Variants in DAB1 observed in about 807,000 individuals in gnomAD.
DAB1 encodes the protein DAB adaptor protein 1, also known as disabled homolog 1.
DAB1 carries 15 observed loss-of-function variants against 64.6 expected under a neutral mutation model. The ratio of observed to expected loss-of-function variants is 0.23; its 90% CI spans 0.16 to 0.36. The LOEUF (loss-of-function observed/expected upper bound fraction) is 0.36. Ranked by LOEUF, DAB1 falls within the 10% of genes least tolerant of loss-of-function variation. The probability of loss-of-function intolerance (pLI) is 1.00; values close to 1 mark genes in which losing one functional copy is unlikely to be tolerated. For synonymous variants in DAB1, 235 were observed against 251.9 expected, an observed-to-expected ratio of 0.93 and a Z score of 0.64; for missense variants, 596 against 706.7, an observed-to-expected ratio of 0.84 and a Z score of 1.78.
intron 7 of DAB1, among the ~76,000 whole-genome samples, chr1:57,526,189 G>A (rs1049041846): frequency 1.3e-5 from 2 of 152,074 alleles, no homozygotes; most frequent in African/African-American, 4.8e-5. Context: ...ACCCACCTTG[G>A]CCTCCCACAG....
At chr1:57,385,730 T>C (rs901152023) in intron 1 of DAB1, among the ~76,000 whole-genome samples, 1 of 152,176 alleles carries the variant, frequency 6.6e-6, no homozygotes, top group African/African-American at 2.4e-5. Flanking sequence ...AAAAACTTAC[T>C]GTGTTAGAAC....
At chr1:58,057,473 C>T (rs565673794) in intron 5 of DAB1, among the ~76,000 whole-genome samples, 1 of 152,108 alleles carries the variant, frequency 6.6e-6, no homozygotes, top group African/African-American at 2.4e-5. Flanking sequence ...AAATTAGAAA[C>T]CACCCTAATC....
chr1:57,172,371 A>G (rs1457686248), intron 2 of DAB1, among the ~76,000 whole-genome samples: 1 of 152,214 alleles, frequency 6.6e-6, no homozygotes, highest in Non-Finnish European at 1.5e-5. Context: ...AAACAATTCC[A>G]TAAGAAAGAA....
intron 3 of DAB1, among the ~76,000 whole-genome samples, chr1:58,355,541 A>G (rs1227113886): frequency 1.3e-5 from 2 of 152,162 alleles, no homozygotes; most frequent in Admixed American, 6.5e-5. Context: ...ACGAATAAAA[A>G]TGTCCAGATT....
intron 3 of DAB1, among the ~76,000 whole-genome samples, chr1:57,138,494 T>C (rs960212931): frequency 6.6e-6 from 1 of 152,160 alleles, no homozygotes; most frequent in Non-Finnish European, 1.5e-5. Flanking sequence ...AGCTGCTCCA[T>C]ATTGATATAA....
chr1:57,364,868 T>G (rs1646772), intron 1 of DAB1, among the ~76,000 whole-genome samples: 33,317 of 147,966 alleles, frequency 0.23, 4,257 homozygotes, highest in African/African-American at 0.34. Context: ...TATATATATA[T>G]ATAGAGAGAG....
chr1:57,270,960 C>G (rs747904079), intron 2 of DAB1, among the ~76,000 whole-genome samples: 5 of 152,148 alleles, frequency 3.3e-5, no homozygotes, highest in Admixed American at 6.6e-5. Flanking sequence ...AGTGTGGGTA[C>G]AGTATAAGTC....
intron 5 of DAB1, among the ~76,000 whole-genome samples, chr1:58,109,505 T>C (rs1038849085): frequency 6.6e-6 from 1 of 152,140 alleles, no homozygotes; most frequent in East Asian, 1.9e-4. Flanking sequence ...GGAGAACTAA[T>C]GGATCAACTC....
intron 1 of DAB1, among the ~76,000 whole-genome samples, chr1:57,836,297 A>C (rs1480977345): frequency 1.3e-5 from 2 of 152,240 alleles, no homozygotes; most frequent in Non-Finnish European, 2.9e-5. Flanking sequence ...AAAGGTTTTG[A>C]CTGTTGGTCT....
chr1:57,525,907 G>C (rs924210679), intron 7 of DAB1, among the ~76,000 whole-genome samples: 1 of 151,758 alleles, frequency 6.6e-6, no homozygotes, highest in Admixed American at 6.6e-5. Flanking sequence ...CCATGAAAAT[G>C]CGAATATATT....
rs536735126 is a variant in DAB1, at chr1:58,349,947, A to AT, written n.258-6545dup. ...GTGCATATGTCTTTATAGTAGAATG[A>AT]TTTATAATCCTCTGGGTATATACCC... is the stretch of plus-strand genomic sequence containing the variant. On this transcript the variant is annotated intron_variant and non_coding_transcript_variant, in intron 3 of 20. Coordinates refer to the DAB1 transcript ENST00000485760. Among the ~76,000 whole-genome samples, 681 of 152,256 alleles carry AT rather than the reference A, an allele frequency of 4.5e-3. 10 individuals are homozygous for AT. Among genetic ancestry groups the AT allele is most frequent in the African/African-American group, 0.016 (657 of 41,540 alleles).
At chr1:57,226,879 T>G (rs1667308007) in intron 2 of DAB1, among the ~76,000 whole-genome samples, 1 of 151,952 alleles carries the variant, frequency 6.6e-6, no homozygotes. Flanking sequence ...CATTTCATTC[T>G]TTAAATCCAA....
intron 4 of DAB1, among the ~76,000 whole-genome samples, chr1:58,341,098 A>G (rs1210750553): frequency 1.3e-5 from 2 of 151,228 alleles, no homozygotes; most frequent in East Asian, 4.4e-4. Flanking sequence ...AGCATCATTT[A>G]TTGGATAAAA....
intron 4 of DAB1, among the ~76,000 whole-genome samples, chr1:58,172,924 C>G (rs1199597247): frequency 2.6e-5 from 4 of 152,234 alleles, no homozygotes; most frequent in African/African-American, 9.6e-5. Flanking sequence ...AGTTCCTAAC[C>G]TCTGGGGGAA....
chr1:57,970,465 T>C lies in DAB1; in HGVS notation n.388-86303A>G, dbSNP rs76682804. ...ATTTTCCCAGGGCTCCTTGCTGGGA[T>C]ATTCTGAAGCCACAATCAAATCTTT... On this transcript the variant is annotated intron_variant and non_coding_transcript_variant, in intron 5 of 20. Coordinates refer to the DAB1 transcript ENST00000485760. Among the ~76,000 whole-genome samples the C allele has an allele frequency of 1.9e-3, 289 of 152,236 alleles. 6 individuals are homozygous for C. In the East Asian group the frequency reaches 0.041, roughly 22 times the overall value.
intron 2 of DAB1, among the ~76,000 whole-genome samples, chr1:57,194,354 T>C (rs592652): frequency 0.26 from 39,661 of 152,056 alleles, 6,983 homozygotes; most frequent in African/African-American, 0.48. Context: ...GAGGCCTGAG[T>C]GATTTCACGT....
intron 4 of DAB1, among the ~76,000 whole-genome samples, chr1:58,272,856 T>G (rs546232762): frequency 1.4e-5 from 2 of 140,216 alleles, no homozygotes; most frequent in Admixed American, 1.5e-4. Context: ...GTTTTCCATT[T>G]GCTTGGTAGA....
chr1:57,623,103 A>G (rs956009897), intron 7 of DAB1, among the ~76,000 whole-genome samples: 4 of 151,990 alleles, frequency 2.6e-5, no homozygotes, highest in African/African-American at 9.7e-5. Flanking sequence ...CGGAGTGGTA[A>G]TTGGTGTTTG....
At chr1:58,382,833 G>A (rs1343168965) in intron 3 of DAB1, among the ~76,000 whole-genome samples, 1 of 152,158 alleles carries the variant, frequency 6.6e-6, no homozygotes, top group Non-Finnish European at 1.5e-5. Flanking sequence ...TGGTGTGGTA[G>A]AAATGACACA....
Sources: gnomAD v4.1 joint callset for allele counts (sites outside exome capture counted in the v4.1 genomes callset) on GRCh38, gnomAD v4.1.1 for gene constraint, MANE v1.5 for transcripts, NCBI Gene and HGNC (gene_info 2026-07-23, HGNC 2026-07-21) for gene names.